The following TEK variants were observed in gnomAD, a reference collection of about 807,000 sequenced individuals.
TEK encodes the protein angiopoietin-1 receptor.
In TEK, 43 loss-of-function variants were observed where a neutral mutation model predicts 131.8. That is an observed-to-expected ratio of 0.33 (90% confidence interval 0.26 to 0.42). The LOEUF is 0.42. Among genes scored for constraint, TEK ranks in the 10% least tolerant of loss-of-function variants. The probability of loss-of-function intolerance (pLI) is 1.00; values close to 1 mark genes in which losing one functional copy is unlikely to be tolerated. For synonymous variants in TEK, 580 were observed against 491.6 expected, an observed-to-expected ratio of 1.18 and a Z score of -2.38; for missense variants, 1,162 against 1,384.4, an observed-to-expected ratio of 0.84 and a Z score of 2.55.
In TEK at chr9:27,220,065, C is replaced by G; in HGVS notation, c.3120C>G (p.Cys1040Trp). ...GTCTTCCAGGAGGCACACCCTACTG[C>G]GGGATGACTTGTGCAGAACTCTACG... The part of the protein sequence containing the change: ...EIVSLGGTPY[C>W]GMTCAELYEK... The change falls in exon 21 of 23, where the codon TGC (cysteine) becomes TGG (tryptophan). Residue 1040 changes from cysteine (C) to tryptophan (W), a missense_variant. By Grantham distance (215) the Cys-to-Trp change is radical. This residue lies in a region of TEK where 107 missense variants were observed against 173.9 expected (regional missense o/e 0.62). Coordinates refer to ENST00000380036, the MANE Select transcript of TEK (RefSeq NM_000459.5). 1 of 1,614,008 alleles carries G rather than the reference C, an allele frequency of 6.2e-7. No individual in the cohort carries two copies. Among genetic ancestry groups the G allele is most frequent in the Non-Finnish European group, 8.5e-7 (1 of 1,179,978 alleles).
At chr9:27,182,583 A>G (rs1824426480) in intron 7 of TEK, among the ~76,000 whole-genome samples, 1 of 152,164 alleles carries the variant, frequency 6.6e-6, no homozygotes, top group South Asian at 2.1e-4. Flanking sequence ...CACCGATAAG[A>G]AACAGTCTGT....
In TEK at chr9:27,202,834, C is replaced by A. The variant is rs1382751796; in HGVS notation, c.1924C>A (p.Pro642Thr). The A allele has an allele frequency of 2.5e-6, 4 of 1,614,058 alleles. No individual in the cohort carries two copies. Among genetic ancestry groups the A allele is most frequent in the South Asian group, 2.2e-5 (2 of 91,082 alleles). The change falls in exon 13 of 23, where the codon CCA becomes ACA. Residue 642 changes from proline (P) to threonine (T), a missense_variant. Physicochemically the swap from Pro to Thr is conservative, Grantham distance 38 (BLOSUM62 -1). Around this residue, in one of 6 missense-constraint regions of TEK, gnomAD observed 477 missense variants for 471.0 expected, o/e 1.01. Coordinates refer to ENST00000380036, the MANE Select transcript of TEK (RefSeq NM_000459.5). ...TTAATTTCTAGTTCTTCCTCCTCAA[C>A]CAGAAAACATCAAGATTTCCAACAT... is the stretch of plus-strand genomic sequence containing the variant. ...WTLSDILPPQ[P>T]ENIKISNITH...
chr9:27,157,309 A>C (rs1823369086), intron 1 of TEK, among the ~76,000 whole-genome samples: 1 of 152,180 alleles, frequency 6.6e-6, no homozygotes, highest in Admixed American at 6.5e-5. Flanking sequence ...AGGGAAATGA[A>C]GACTTCACTT....
chr9:27,139,212 C>CAAAAAAAAAAAA (rs746301649), intron 1 of TEK, among the ~76,000 whole-genome samples: 30 of 57,314 alleles, frequency 5.2e-4, no homozygotes, highest in Middle Eastern at 0.016. Context: ...GACTCTGTCT[C>CAAAAAAAAAAAA]AAAAAAAAAA....
At chr9:27,170,936 C>T (rs565586) in intron 4 of TEK, among the ~76,000 whole-genome samples, 119,193 of 152,128 alleles carry the variant, frequency 0.78, 46,962 homozygotes, top group South Asian at 0.84. Context: ...GGGATCACAA[C>T]GAGTAAAGCA....
intron 3 of TEK, 75 bp from the exon 4 acceptor site, chr9:27,169,402 T>G: frequency 6.3e-7 from 1 of 1,598,558 alleles, no homozygotes; most frequent in Non-Finnish European, 8.6e-7. Flanking sequence ...GAAAGCTAAT[T>G]AAGTGGAGAA....
At chr9:27,175,566 G>A (rs947247699) in intron 6 of TEK, among the ~76,000 whole-genome samples, 1 of 152,130 alleles carries the variant, frequency 6.6e-6, no homozygotes, top group Non-Finnish European at 1.5e-5. Flanking sequence ...TCGCCACACT[G>A]ACTTCCACAA....
intron 1 of TEK, among the ~76,000 whole-genome samples, chr9:27,138,217 G>C (rs368829886): frequency 2.6e-5 from 4 of 152,358 alleles, no homozygotes; most frequent in Middle Eastern, 3.4e-3. Context: ...AGATTCCACA[G>C]TGTGGAAGGG....
At chr9:27,124,930 G>A (rs1821933577) in intron 1 of TEK, among the ~76,000 whole-genome samples, 1 of 152,212 alleles carries the variant, frequency 6.6e-6, no homozygotes, top group Non-Finnish European at 1.5e-5. Flanking sequence ...CCTAGTGTCA[G>A]CTGATTCTCT....
intron 2 of TEK, 87 bp from the exon 3 acceptor site, chr9:27,168,408 C>A: frequency 1.0e-6 from 1 of 996,772 alleles, no homozygotes; most frequent in East Asian, 2.5e-5. Flanking sequence ...CAAGTGCCAG[C>A]CCTCATTTTC....
At position 27,217,949 on chromosome 9, in the gene TEK, T is replaced by C. The variant is rs550190; in HGVS notation, c.3062+191T>C. ...TTCCAGAGGAGTGCAGAATCACTTG[T>C]GGCAGGTTTTGGGTTTCCCTCTGCA... On this transcript the variant is annotated intron_variant, in intron 19 of 22. Coordinates refer to ENST00000380036, the MANE Select transcript of TEK (RefSeq NM_000459.5). Among the ~76,000 whole-genome samples the C allele has an allele frequency of 0.85, 129,976 of 152,062 alleles. 55,820 individuals are homozygous for C. The highest frequency in any genetic ancestry group is 1 in the East Asian group (5,138 of 5,148).
At chr9:27,139,770 T>A (rs1822653900) in intron 1 of TEK, among the ~76,000 whole-genome samples, 1 of 152,096 alleles carries the variant, frequency 6.6e-6, no homozygotes, top group Admixed American at 6.6e-5. Flanking sequence ...TGGGCTTCAG[T>A]GAGTTGAGAG....
chr9:27,176,627 A>G (rs111964955), intron 6 of TEK, among the ~76,000 whole-genome samples: 1,945 of 152,358 alleles, frequency 0.013, 14 homozygotes, highest in Middle Eastern at 0.024. Context: ...ATACATTGTG[A>G]AATGATTACT....
At chr9:27,136,088 T>G (rs1052734471) in intron 1 of TEK, among the ~76,000 whole-genome samples, 4 of 145,974 alleles carry the variant, frequency 2.7e-5, no homozygotes, top group Non-Finnish European at 4.5e-5. Context: ...GGCAGTTATT[T>G]TTTTTTTTTT....
intron 1 of TEK, among the ~76,000 whole-genome samples, chr9:27,135,555 T>A (rs1454323029): frequency 6.6e-6 from 1 of 152,234 alleles, no homozygotes; most frequent in East Asian, 1.9e-4. Context: ...ACAGCCTCCA[T>A]AAAATTTACG....
chr9:27,177,959 T>C (rs192904503), intron 6 of TEK, among the ~76,000 whole-genome samples: 9 of 152,316 alleles, frequency 5.9e-5, no homozygotes, highest in African/African-American at 2.2e-4. Flanking sequence ...CAGAAGCTTG[T>C]TAGTTTGATG....
intron 21 of TEK, 22 bp from the exon 22 acceptor site, chr9:27,228,184 C>G (rs751145935): frequency 2.5e-6 from 4 of 1,579,072 alleles, no homozygotes; most frequent in Non-Finnish European, 3.5e-6. Flanking sequence ...AGAATTAACC[C>G]TTTAATTCTT....
At chr9:27,111,991 C>T (rs531873105) in intron 1 of TEK, among the ~76,000 whole-genome samples, 14 of 151,526 alleles carry the variant, frequency 9.2e-5, no homozygotes, top group South Asian at 4.2e-4. Flanking sequence ...CTCCGCCTCC[C>T]AGGTTCACGT....
At position 27,109,295 on chromosome 9, in the gene TEK, C is replaced by T. The variant is rs1291201278; in HGVS notation, c.-296C>T. 1.5e-5 allele frequency: 8 copies of T among 538,868 alleles called. No individual in the cohort carries two copies. Among genetic ancestry groups the T allele is most frequent in the African/African-American group, 9.6e-5 (5 of 51,866 alleles). The allele number at this position is 538,868 out of a possible 1,614,324, so 33.4% of individuals were successfully genotyped here. A position where few individuals can be genotyped will look rare whatever the true frequency, so the allele number is the denominator to read the frequency against. On this transcript the variant is annotated 5_prime_UTR_variant, in exon 1 of 23. Coordinates refer to ENST00000380036, the MANE Select transcript of TEK (RefSeq NM_000459.5). ...AACAGATAAGTGTTTTGATGAATTG[C>T]GAGATGGATAGGGCTTGAGTGCCCC... is the stretch of plus-strand genomic sequence containing the variant.
Sources: allele counts gnomAD v4.1 joint callset (sites outside exome capture counted in the v4.1 genomes callset), GRCh38; gene constraint gnomAD v4.1.1; regional missense constraint gnomAD v4.1.1; transcripts MANE v1.5; gene names NCBI Gene and HGNC (gene_info 2026-07-23, HGNC 2026-07-21).